LRFN2: variants seen among roughly 807,000 people sequenced by gnomAD.
LRFN2 encodes leucine-rich repeat and fibronectin type-III domain-containing protein 2.
In LRFN2, 18 loss-of-function variants were observed where a neutral mutation model predicts 37.3. That is an observed-to-expected ratio of 0.48 (90% CI 0.33 to 0.72). The LOEUF (loss-of-function observed/expected upper bound fraction) is 0.72, where lower values mean the gene tolerates loss of function less well. LRFN2 is among the 30% of genes least tolerant of loss of function. The pLI is 0.02. For synonymous variants in LRFN2, 556 were observed against 466.6 expected (o/e 1.19, Z -2.47); for missense variants, 1,006 against 1,060.7 (o/e 0.95, Z 0.72).
chr6:40,531,769 T>G (rs1365878308), intron 1 of LRFN2, among the ~76,000 whole-genome samples: 5 of 152,272 alleles, frequency 3.3e-5, no homozygotes, highest in African/African-American at 1.2e-4. Flanking sequence ...CCTCCTTATC[T>G]TCTGTGTGAG....
At chr6:40,549,037 C>A (rs148744278) in intron 1 of LRFN2, among the ~76,000 whole-genome samples, 63 of 152,196 alleles carry the variant, frequency 4.1e-4, no homozygotes, top group Admixed American at 1.0e-3. Context: ...AATTGGGATG[C>A]GGAAATAATT....
At chr6:40,580,845 G>T (rs1263644294) in intron 1 of LRFN2, among the ~76,000 whole-genome samples, 1 of 152,214 alleles carries the variant, frequency 6.6e-6, no homozygotes, top group African/African-American at 2.4e-5. Context: ...ACATGAATGT[G>T]TGCATGTATG....
At chr6:40,401,992 G>A (rs1330143488) in intron 2 of LRFN2, among the ~76,000 whole-genome samples, 1 of 152,048 alleles carries the variant, frequency 6.6e-6, no homozygotes, top group African/African-American at 2.4e-5. Flanking sequence ...ACCCTCTCTA[G>A]TTAGCCTTGA....
chr6:40,542,414 C>T (rs190814133), intron 1 of LRFN2, among the ~76,000 whole-genome samples: 22 of 152,004 alleles, frequency 1.4e-4, no homozygotes, highest in Admixed American at 1.0e-3. Flanking sequence ...GATGGGTGGG[C>T]GGGAGGTGCT....
At chr6:40,414,552 G>A (rs538508164) in intron 2 of LRFN2, among the ~76,000 whole-genome samples, 2 of 152,302 alleles carry the variant, frequency 1.3e-5, no homozygotes, top group African/African-American at 2.4e-5. Flanking sequence ...AGGAGAAACC[G>A]CCTGCATTTA....
chr6:40,471,727 C>T lies in LRFN2; in HGVS notation c.-18-38596G>A, dbSNP rs145655695. Among the ~76,000 whole-genome samples the T allele has an allele frequency of 2.1e-3, 314 of 152,306 alleles. 1 individual carries two copies. Among genetic ancestry groups the T allele is most frequent in the African/African-American group, 7.1e-3 (297 of 41,556 alleles). ...GCACAACCAGAAAGGCCACTCAGACCAGTATCCATCCTCCAGACCAGCCAG... is the reference window on the plus strand; with the variant it reads ...GCACAACCAGAAAGGCCACTCAGACTAGTATCCATCCTCCAGACCAGCCAG... On this transcript the variant is annotated intron_variant, in intron 1 of 2. Transcript: ENST00000338305.
At position 40,481,573 on chromosome 6, in the gene LRFN2, C is replaced by T. The variant is rs115918688; in HGVS notation, c.-18-48442G>A. ...TCAGAATCAGTTTGCTTTGAATTTG[C>T]TTATTTTTCTTGTTGGGTATGGAAG... On this transcript the variant is annotated intron_variant, in intron 1 of 2. Transcript: ENST00000338305. 8.9e-3 allele frequency among the ~76,000 whole-genome samples: 1,355 copies of T among 152,104 alleles called. 7 individuals carry two copies. The highest frequency in any genetic ancestry group is 0.015 in the Non-Finnish European group (993 of 67,980).
At chr6:40,491,762 C>G (rs1479844688) in intron 1 of LRFN2, among the ~76,000 whole-genome samples, 1 of 64,782 alleles carries the variant, frequency 1.5e-5, no homozygotes, top group Non-Finnish European at 2.7e-5. Context: ...CTCTGAGTGT[C>G]TGTTTCCCTC....
chr6:40,455,858 CATAAGGGAGATT>C, intron 1 of LRFN2, among the ~76,000 whole-genome samples: 1 of 152,244 alleles, frequency 6.6e-6, no homozygotes. Context: ...TTAAGTTAAT[CATAAGGGAGATT>C]ATCCTGGGTG....
At chr6:40,544,210 C>CA (rs1174827866) in intron 1 of LRFN2, among the ~76,000 whole-genome samples, 1 of 152,244 alleles carries the variant, frequency 6.6e-6, no homozygotes, top group Non-Finnish European at 1.5e-5. Flanking sequence ...ACCCTTATAC[C>CA]AGGCAAGCAC....
intron 1 of LRFN2, among the ~76,000 whole-genome samples, chr6:40,531,359 G>A (rs2113909352): frequency 6.6e-6 from 1 of 152,354 alleles, no homozygotes; most frequent in South Asian, 2.1e-4. Context: ...CTCCATGGCT[G>A]ATGAGCATTT....
Position 40,443,238 on chromosome 6 carries a change from A to G in LRFN2, c.-18-10107T>C, listed in dbSNP as rs374382395. Among the ~76,000 whole-genome samples, 7 of 152,148 alleles carry G rather than the reference A, an allele frequency of 4.6e-5. No homozygotes were observed. In the East Asian group the frequency reaches 1.4e-3, roughly 29 times the overall value. The stretch of plus-strand genomic sequence containing the variant: ...CTGGACTTATAGGAAACCAAGATAC[A>G]CAGAAACAAGAGGACTTTTCAGCTG... On this transcript the variant is annotated intron_variant, in intron 1 of 2. Transcript: ENST00000338305.
chr6:40,537,699 G>A (rs1304577510), intron 1 of LRFN2, among the ~76,000 whole-genome samples: 1 of 152,070 alleles, frequency 6.6e-6, no homozygotes, highest in Non-Finnish European at 1.5e-5. Flanking sequence ...TCCACTGTCG[G>A]GGCAGAGACC....
At chr6:40,503,826 T>C (rs1352205248) in intron 1 of LRFN2, among the ~76,000 whole-genome samples, 1 of 151,922 alleles carries the variant, frequency 6.6e-6, no homozygotes, top group East Asian at 1.9e-4. Flanking sequence ...AGAAGTCAGA[T>C]AAGAAGAGGA....
In LRFN2 at chr6:40,432,459, C is replaced by A. The variant is rs746470267; in HGVS notation, c.655G>T (p.Ala219Ser). ...GTCAAAGCCGAAGCCTGGGAGCGGG[C>A]AAAGATGGGATCAGGGGGCAGCTTC... Reference protein sequence around the residue: ...LQKLPPDPIFARSQASALTAT... With the variant: ...LQKLPPDPIFSRSQASALTAT... Residue 219 changes from alanine to serine, a missense_variant, in exon 2 of 3, where the codon GCC becomes TCC. Coordinates refer to ENST00000338305, the MANE Select transcript of LRFN2 (RefSeq NM_020737.3). The A allele has an allele frequency of 1.2e-5, 19 of 1,614,168 alleles. No individual in the cohort carries two copies. In the Admixed American group the frequency reaches 2.8e-4, roughly 24 times the overall value.
chr6:40,421,651 C>A (rs959132507), intron 2 of LRFN2, among the ~76,000 whole-genome samples: 1 of 152,170 alleles, frequency 6.6e-6, no homozygotes, highest in Non-Finnish European at 1.5e-5. Flanking sequence ...AGAGTCTGTT[C>A]TGTCAGTAAT....
chr6:40,550,547 A>C (rs1394943145), intron 1 of LRFN2, among the ~76,000 whole-genome samples: 5 of 152,216 alleles, frequency 3.3e-5, no homozygotes, highest in Non-Finnish European at 5.9e-5. Flanking sequence ...ACAAGAAAGA[A>C]CTTTCCACCC....
At chr6:40,399,015 C>T (rs1420552918) in intron 2 of LRFN2, among the ~76,000 whole-genome samples, 2 of 151,932 alleles carry the variant, frequency 1.3e-5, no homozygotes, top group Non-Finnish European at 2.9e-5. Flanking sequence ...TCCCAGGTTT[C>T]TGAGCCCTCA....
chr6:40,403,473 G>A (rs1239609506), intron 2 of LRFN2, among the ~76,000 whole-genome samples: 1 of 152,142 alleles, frequency 6.6e-6, no homozygotes, highest in Non-Finnish European at 1.5e-5. Context: ...TGCCCTTGTG[G>A]CTCCTGAGAA....
Sources: gnomAD v4.1 joint callset for allele counts (sites outside exome capture counted in the v4.1 genomes callset) on GRCh38, gnomAD v4.1.1 for gene constraint, MANE v1.5 for transcripts, NCBI Gene and HGNC (gene_info 2026-07-23, HGNC 2026-07-21) for gene names.